Variants in LRRC4C observed in about 807,000 individuals in gnomAD.
LRRC4C encodes the protein leucine rich repeat containing 4C.
Under a neutral mutation model 33.6 loss-of-function variants are expected in LRRC4C, and 5 were observed. That is an observed-to-expected ratio of 0.15 (90% CI 0.08 to 0.31). LRRC4C has a LOEUF of 0.31. Among genes scored for constraint, LRRC4C ranks in the 10% least tolerant of loss-of-function variants. The pLI, the probability that LRRC4C is intolerant of heterozygous loss-of-function variation, is 1.00. For synonymous variants in LRRC4C, 329 were observed against 302.0 expected (o/e 1.09, Z -0.93); for missense variants, 560 against 796.7 (o/e 0.70, Z 3.58).
At chr11:40,577,467 T>A (rs1468219977) in intron 3 of LRRC4C, among the ~76,000 whole-genome samples, 1 of 152,188 alleles carries the variant, frequency 6.6e-6, no homozygotes, top group African/African-American at 2.4e-5. Flanking sequence ...CAGGCAAACT[T>A]GCATTGTTAC....
intron 1 of LRRC4C, among the ~76,000 whole-genome samples, chr11:41,154,991 C>T (rs111818646): frequency 6.6e-5 from 10 of 152,130 alleles, no homozygotes; most frequent in African/African-American, 1.9e-4. Flanking sequence ...GGGATGATGA[C>T]GTGGGGGTAA....
intron 1 of LRRC4C, among the ~76,000 whole-genome samples, chr11:41,171,029 A>G (rs1944953489): frequency 6.6e-6 from 1 of 152,138 alleles, no homozygotes; most frequent in African/African-American, 2.4e-5. Context: ...GCCATCAGAG[A>G]AATGCAAATC....
At chr11:40,929,279 C>T (rs962472371) in intron 2 of LRRC4C, among the ~76,000 whole-genome samples, 19 of 152,134 alleles carry the variant, frequency 1.2e-4, no homozygotes, top group African/African-American at 4.1e-4. Flanking sequence ...AAAAGTTTAT[C>T]AAGGTCTAAA....
chr11:40,977,969 A>T (rs1852205077), intron 1 of LRRC4C, among the ~76,000 whole-genome samples: 1 of 152,176 alleles, frequency 6.6e-6, no homozygotes, highest in Non-Finnish European at 1.5e-5. Flanking sequence ...AAACATTGAA[A>T]TCTAACATAA....
chr11:41,458,865 C>G (rs1460128177), intron 1 of LRRC4C, among the ~76,000 whole-genome samples: 1 of 152,078 alleles, frequency 6.6e-6, no homozygotes, highest in Non-Finnish European at 1.5e-5. Context: ...ACTTTGTTCT[C>G]ATTTGCTCCA....
chr11:40,291,715 C>T (rs1408271008), intron 4 of LRRC4C, among the ~76,000 whole-genome samples: 4 of 152,170 alleles, frequency 2.6e-5, no homozygotes, highest in South Asian at 4.1e-4. Context: ...AGAAGCCACC[C>T]TTCATCGCCT....
chr11:40,281,020 G>A (rs1943436414), intron 4 of LRRC4C, among the ~76,000 whole-genome samples: 1 of 152,204 alleles, frequency 6.6e-6, no homozygotes, highest in African/African-American at 2.4e-5. Flanking sequence ...AGGAGAAAAG[G>A]GATGGGGAGG....
chr11:40,565,836 GC>G (rs1425619916), intron 3 of LRRC4C, among the ~76,000 whole-genome samples: 2 of 151,936 alleles, frequency 1.3e-5, no homozygotes, highest in Non-Finnish European at 2.9e-5. Context: ...TTGTAGTTAA[GC>G]TTTTTGGCCA....
At chr11:41,285,886 G>T (rs1276490776) in intron 1 of LRRC4C, among the ~76,000 whole-genome samples, 1 of 152,044 alleles carries the variant, frequency 6.6e-6, no homozygotes, top group African/African-American at 2.4e-5. Context: ...CTGGAGCGCA[G>T]TGGCATGATC....
At chr11:40,758,344 C>T (rs1949042643) in intron 2 of LRRC4C, among the ~76,000 whole-genome samples, 1 of 151,962 alleles carries the variant, frequency 6.6e-6, no homozygotes, top group Non-Finnish European at 1.5e-5. Flanking sequence ...CAAGGGATGA[C>T]TTGAGGGTCC....
intron 1 of LRRC4C, among the ~76,000 whole-genome samples, chr11:41,274,040 T>C (rs1410606424): frequency 1.3e-5 from 2 of 151,902 alleles, no homozygotes; most frequent in East Asian, 3.9e-4. Flanking sequence ...AGGGAGGAGA[T>C]AGAGACAGCA....
chr11:40,949,490 G>GGT (rs1197352643), intron 1 of LRRC4C, among the ~76,000 whole-genome samples: 1 of 152,044 alleles, frequency 6.6e-6, no homozygotes, highest in Non-Finnish European at 1.5e-5. Context: ...CCCACAAAGG[G>GGT]AAGCCCATCA....
intron 5 of LRRC4C, among the ~76,000 whole-genome samples, chr11:40,204,072 A>G (rs956599250): frequency 5.3e-5 from 8 of 152,038 alleles, no homozygotes; most frequent in Non-Finnish European, 7.4e-5. Flanking sequence ...ACAGGTGTGT[A>G]CCACCATGCC....
chr11:40,242,022 C>G (rs1186907489), intron 4 of LRRC4C: 3 of 152,040 alleles, frequency 2.0e-5, no homozygotes, highest in Non-Finnish European at 4.4e-5. Flanking sequence ...GGAGTCCAGC[C>G]CTTGACTGGA....
intron 3 of LRRC4C, among the ~76,000 whole-genome samples, chr11:40,388,351 A>C (rs1949197481): frequency 6.6e-6 from 1 of 152,240 alleles, no homozygotes; most frequent in African/African-American, 2.4e-5. Flanking sequence ...GGATACTCAT[A>C]AGTACACCAT....
intron 3 of LRRC4C, among the ~76,000 whole-genome samples, chr11:40,542,042 T>C (rs75406680): frequency 2.2e-5 from 2 of 91,622 alleles, no homozygotes; most frequent in Non-Finnish European, 5.0e-5. Context: ...TTCTCTTTCT[T>C]TCTCTTTCTC....
intron 2 of LRRC4C, among the ~76,000 whole-genome samples, chr11:40,809,365 T>C (rs1253936277): frequency 6.6e-6 from 1 of 152,204 alleles, no homozygotes; most frequent in Non-Finnish European, 1.5e-5. Context: ...GATTGCATTC[T>C]CCTTTGCCTG....
intron 1 of LRRC4C, among the ~76,000 whole-genome samples, chr11:41,452,223 T>C (rs947228372): frequency 6.6e-6 from 1 of 152,128 alleles, no homozygotes; most frequent in African/African-American, 2.4e-5. Flanking sequence ...TGTGCTTACT[T>C]GGCCTTTGTT....
intron 1 of LRRC4C, among the ~76,000 whole-genome samples, chr11:41,172,302 C>A (rs1347937901): frequency 6.6e-6 from 1 of 151,672 alleles, no homozygotes; most frequent in South Asian, 2.1e-4. Context: ...AATTATATAG[C>A]CCTTAGAAGC....
Sources: gnomAD v4.1 joint callset for allele counts (sites outside exome capture counted in the v4.1 genomes callset) on GRCh38, gnomAD v4.1.1 for gene constraint, MANE v1.5 for transcripts, NCBI Gene and HGNC (gene_info 2026-07-23, HGNC 2026-07-21) for gene names.